The following ALPK1 variants were observed in gnomAD, a reference collection of about 807,000 sequenced individuals.
ALPK1 encodes the protein alpha kinase 1.
ALPK1 carries 110 observed loss-of-function variants against 120.6 expected under a neutral mutation model. The observed-to-expected ratio is 0.91, with a 90% CI of 0.78 to 1.07. The LOEUF is 1.07. Ranked by LOEUF, ALPK1 falls within the 50% of genes least tolerant of loss-of-function variation. The pLI is 0.00. For synonymous variants in ALPK1, 582 were observed against 560.3 expected (o/e 1.04, Z -0.55); for missense variants, 1,498 against 1,483.9 (o/e 1.01, Z -0.16).
chr4:112,419,257 C>A (rs943314979), intron 5 of ALPK1, among the ~76,000 whole-genome samples: 1 of 152,182 alleles, frequency 6.6e-6, no homozygotes, highest in African/African-American at 2.4e-5. Flanking sequence ...GATTTCGATA[C>A]TAATTTTCTT....
intron 2 of ALPK1, among the ~76,000 whole-genome samples, chr4:112,329,273 T>C (rs1400013756): frequency 6.6e-6 from 1 of 152,100 alleles, no homozygotes; most frequent in Admixed American, 6.5e-5. Flanking sequence ...TCCTAAACAA[T>C]AGAAAAAGAG....
intron 2 of ALPK1, among the ~76,000 whole-genome samples, chr4:112,353,443 G>A (rs1374374009): frequency 1.3e-5 from 2 of 152,176 alleles, no homozygotes; most frequent in East Asian, 3.8e-4. Flanking sequence ...TGGACACTGG[G>A]TCAGTGAGTG....
chr4:112,354,687 C>T (rs773333994), intron 2 of ALPK1, among the ~76,000 whole-genome samples: 3 of 152,044 alleles, frequency 2.0e-5, no homozygotes, highest in Non-Finnish European at 4.4e-5. Context: ...AGGCTGGTCT[C>T]GAACTCCTGG....
At chr4:112,357,987 G>A (rs1463624396) in intron 2 of ALPK1, 3 of 682,726 alleles carry the variant, frequency 4.4e-6, no homozygotes, top group East Asian at 3.0e-5. Flanking sequence ...CTGGCGGTAT[G>A]CCGGGGAAAC....
Position 112,438,599 on chromosome 4 carries a change from C to A in ALPK1, c.3304C>A (p.Gln1102Lys). The A allele has an allele frequency of 1.9e-6, 3 of 1,613,866 alleles. No individual in the cohort carries two copies. Among genetic ancestry groups the A allele is most frequent in the Non-Finnish European group, 2.5e-6 (3 of 1,179,798 alleles). ...AGAATTTAACAAGAGACTCTATGAA[C>A]AAAACATTCCCACCCAGATATTCTA... ...VTEFNKRLYE[Q>K]NIPTQIFYIP... Residue 1102 changes from glutamine to lysine, a missense_variant, in exon 13 of 16, where the codon CAA becomes AAA. Physicochemically the swap from Gln to Lys is moderately conservative, Grantham distance 53. Coordinates refer to ENST00000650871, the MANE Select transcript of ALPK1 (RefSeq NM_025144.4).
chr4:112,414,639 GC>G (rs529419725), intron 5 of ALPK1: 273 of 176,262 alleles, frequency 1.5e-3, no homozygotes, highest in Non-Finnish European at 2.7e-3. Context: ...GACTCACAAG[GC>G]CTGCTCACCT....
chr4:112,373,286 G>C (rs914745806), intron 2 of ALPK1, among the ~76,000 whole-genome samples: 1 of 152,188 alleles, frequency 6.6e-6, no homozygotes, highest in African/African-American at 2.4e-5. Context: ...GCGGTACTCA[G>C]AAGGAATGAA....
At chr4:112,380,219 G>A (rs1195962089) in intron 3 of ALPK1, among the ~76,000 whole-genome samples, 1 of 152,194 alleles carries the variant, frequency 6.6e-6, no homozygotes, top group Non-Finnish European at 1.5e-5. Flanking sequence ...AAATGCTCTT[G>A]AAGAAATGTT....
chr4:112,339,498 GA>G (rs1441355529), intron 2 of ALPK1, among the ~76,000 whole-genome samples: 2 of 151,926 alleles, frequency 1.3e-5, no homozygotes, highest in African/African-American at 2.4e-5. Flanking sequence ...TACAAGATAA[GA>G]AAAACAAAAT....
chr4:112,366,788 G>T (rs1731175702), intron 2 of ALPK1, among the ~76,000 whole-genome samples: 1 of 152,186 alleles, frequency 6.6e-6, no homozygotes, highest in Non-Finnish European at 1.5e-5. Context: ...CAAAAATATG[G>T]AAACAGTCCA....
Position 112,427,479 on chromosome 4 carries a change from T to A in ALPK1, c.700-91T>A. The A allele has an allele frequency of 2.6e-6, 2 of 764,964 alleles. 1 individual carries two copies. The highest frequency in any genetic ancestry group is 3.6e-5 in the South Asian group (2 of 55,206). The allele number at this position is 764,964 out of a possible 1,614,324, so 47.4% of individuals were successfully genotyped here. On this transcript the variant is annotated intron_variant, in intron 8 of 15. Transcript: ENST00000650871. The stretch of plus-strand genomic sequence containing the variant: ...AATATTAATAGGCAAATAGTTCATA[T>A]GGAGGAATAATCATAGCCTTTAGGC...
intron 1 of ALPK1, among the ~76,000 whole-genome samples, chr4:112,312,515 G>A (rs544789220): frequency 4.9e-4 from 75 of 152,216 alleles, no homozygotes; most frequent in African/African-American, 1.6e-3. Context: ...CTCTTCATCC[G>A]CCCACCTCGG....
chr4:112,377,640 C>A, intron 2 of ALPK1, 38 bp from the exon 3 acceptor site: 2 of 789,838 alleles, frequency 2.5e-6, no homozygotes, highest in South Asian at 2.9e-5. Context: ...ATTGATGATG[C>A]TTCAGTTAAT....
At chr4:112,424,502 G>A (rs752484838) in intron 6 of ALPK1, among the ~76,000 whole-genome samples, 15 of 152,198 alleles carry the variant, frequency 9.9e-5, no homozygotes, top group South Asian at 2.1e-4. Flanking sequence ...AAGGAGGCAA[G>A]ACCTAATAGT....
At chr4:112,389,047 C>CTTTT (rs36062437) in intron 4 of ALPK1, among the ~76,000 whole-genome samples, 1 of 138,038 alleles carries the variant, frequency 7.2e-6, no homozygotes, top group Non-Finnish European at 1.6e-5. Flanking sequence ...GCCATGCTGG[C>CTTTT]TTTTTTTTTT....
At chr4:112,349,040 C>G (rs1406830334) in intron 2 of ALPK1, among the ~76,000 whole-genome samples, 1 of 151,992 alleles carries the variant, frequency 6.6e-6, no homozygotes, top group Non-Finnish European at 1.5e-5. Flanking sequence ...ACCAAGTTGG[C>G]TGGATGCAGT....
intron 14 of ALPK1, 39 bp from the exon 15 acceptor site, chr4:112,440,878 A>T (rs1360112652): frequency 6.4e-7 from 1 of 1,564,290 alleles, no homozygotes; most frequent in Middle Eastern, 2.0e-4. Context: ...GGACATTTAC[A>T]GGGAATTTAA....
At chr4:112,406,271 A>T (rs1399838952) in intron 4 of ALPK1, among the ~76,000 whole-genome samples, 1 of 152,228 alleles carries the variant, frequency 6.6e-6, no homozygotes, top group Non-Finnish European at 1.5e-5. Context: ...AATGTGGTAT[A>T]TACATGCAAT....
In ALPK1 at chr4:112,426,530, A is replaced by G. The variant is rs775969851; in HGVS notation, c.686A>G (p.Gln229Arg). The G allele has an allele frequency of 6.3e-7, 1 of 1,576,190 alleles. No individual in the cohort carries two copies. Among genetic ancestry groups the G allele is most frequent in the South Asian group, 1.2e-5 (1 of 84,052 alleles). ...ASIVGYLALP[Q>R]PDKKGLSTSL... is the part of the protein sequence containing the mutation. ...ATTGTAGGATATTTGGCACTTCCTC[A>G]GCCGGATAAAAAGGTGGTTTGTCTA... The change falls in exon 8 of 16, where the codon CAG becomes CGG. Residue 229 changes from glutamine (Q) to arginine (R), a missense_variant. Gln to Arg is a conservative substitution (Grantham distance 43). Transcript: ENST00000650871.
Sources: allele counts gnomAD v4.1 joint callset (sites outside exome capture counted in the v4.1 genomes callset), GRCh38; gene constraint gnomAD v4.1.1; transcripts MANE v1.5; gene names NCBI Gene and HGNC (gene_info 2026-07-23, HGNC 2026-07-21).